KLHL29: variants seen among roughly 807,000 people sequenced by gnomAD.
KLHL29 encodes the protein kelch like family member 29.
A neutral mutation model predicts 80.4 loss-of-function variants in KLHL29; 21 were observed. That is an observed-to-expected ratio of 0.26 (90% CI 0.19 to 0.38). The LOEUF (loss-of-function observed/expected upper bound fraction) is 0.38. Among genes scored for constraint, KLHL29 ranks in the 10% least tolerant of loss-of-function variants. KLHL29 has a pLI of 1.00. For missense variants in KLHL29, 867 were observed against 1,223.9 expected, an observed-to-expected ratio of 0.71 and a Z score of 4.35; for synonymous variants, 511 against 526.8, an observed-to-expected ratio of 0.97 and a Z score of 0.41.
chr2:23,660,184 G>A (rs1558428309), intron 5 of KLHL29, among the ~76,000 whole-genome samples: 1 of 152,190 alleles, frequency 6.6e-6, no homozygotes, highest in Non-Finnish European at 1.5e-5. Context: ...GGGTCTTGGG[G>A]TCATGGCCTG....
At chr2:23,522,965 G>A (rs1025277099) in intron 2 of KLHL29, among the ~76,000 whole-genome samples, 2 of 152,086 alleles carry the variant, frequency 1.3e-5, no homozygotes, top group Admixed American at 6.5e-5. Flanking sequence ...AGCTGACCAC[G>A]AGAGCAGGTG....
At chr2:23,430,002 A>G (rs886449544) in intron 1 of KLHL29, among the ~76,000 whole-genome samples, 2 of 152,238 alleles carry the variant, frequency 1.3e-5, no homozygotes, top group African/African-American at 2.4e-5. Context: ...CTCATTTTAC[A>G]GATGAGAAAA....
intron 3 of KLHL29, among the ~76,000 whole-genome samples, chr2:23,627,078 G>A (rs1312544875): frequency 6.6e-6 from 1 of 152,164 alleles, no homozygotes; most frequent in East Asian, 1.9e-4. Context: ...GGGAAGGGAA[G>A]TATCTATCTG....
chr2:23,694,544 G>T (rs376490245), intron 8 of KLHL29, among the ~76,000 whole-genome samples: 1 of 152,338 alleles, frequency 6.6e-6, no homozygotes, highest in South Asian at 2.1e-4. Flanking sequence ...CGACTCCACA[G>T]GGGAAACTGT....
intron 3 of KLHL29, among the ~76,000 whole-genome samples, chr2:23,621,262 GGA>G (rs1669175586): frequency 6.6e-6 from 1 of 152,180 alleles, no homozygotes. Flanking sequence ...ACCTCCCAGG[GGA>G]GAGACTGGGG....
chr2:23,703,261 G>A lies in KLHL29; in HGVS notation c.2181G>A (p.Val727=). 1 of 1,547,986 alleles carries A rather than the reference G, an allele frequency of 6.5e-7. No individual in the cohort carries two copies. The highest frequency in any genetic ancestry group is 1.2e-5 in the South Asian group (1 of 83,570). Residue 727 remains valine, a synonymous_variant, in exon 12 of 14, where the codon GTG becomes GTA. Transcript: ENST00000486442. Reference sequence around the variant, plus strand: ...CAGTACACTCTGCTGCAGCCACAGTGTGTGGCGGCAAGATCTACGTGTTTG... The same window carrying A: ...CAGTACACTCTGCTGCAGCCACAGTATGTGGCGGCAAGATCTACGTGTTTG... ...PKAVHSAAAT[V]CGGKIYVFGG...
At chr2:23,444,452 G>A (rs1035682135) in intron 1 of KLHL29, among the ~76,000 whole-genome samples, 34 of 152,138 alleles carry the variant, frequency 2.2e-4, no homozygotes, top group African/African-American at 8.0e-4. Flanking sequence ...AGCCTCCCGG[G>A]TGGCTGAGAT....
intron 1 of KLHL29, among the ~76,000 whole-genome samples, chr2:23,472,613 A>G (rs1664525607): frequency 1.3e-5 from 2 of 152,124 alleles, no homozygotes; most frequent in Admixed American, 6.5e-5. Context: ...CAGCCTGGGC[A>G]ACAGAGTGAG....
At chr2:23,414,092 G>A (rs1160804854) in intron 1 of KLHL29, among the ~76,000 whole-genome samples, 1 of 152,360 alleles carries the variant, frequency 6.6e-6, no homozygotes, top group South Asian at 2.1e-4. Flanking sequence ...TTGAAGACAG[G>A]ATAAAGGATT....
chr2:23,453,539 G>A (rs1663949592), intron 1 of KLHL29, among the ~76,000 whole-genome samples: 1 of 152,204 alleles, frequency 6.6e-6, no homozygotes, highest in African/African-American at 2.4e-5. Context: ...AGTGCAGTGG[G>A]GGGACCTTTC....
chr2:23,633,790 T>TGTGTGTGTGTGTGG (rs1669535800), intron 3 of KLHL29, among the ~76,000 whole-genome samples: 1 of 151,996 alleles, frequency 6.6e-6, no homozygotes, highest in African/African-American at 2.4e-5. Context: ...TGTGTGTGTG[T>TGTGTGTGTGTGTGG]GTTTAATTTG....
chr2:23,649,302 T>C (rs1670023795), intron 5 of KLHL29, among the ~76,000 whole-genome samples: 1 of 152,220 alleles, frequency 6.6e-6, no homozygotes, highest in African/African-American at 2.4e-5. Context: ...CGAAACTCCA[T>C]CTGCACAAGG....
Position 23,396,587 on chromosome 2 carries a change from A to T in KLHL29, c.-154+10807A>T, listed in dbSNP as rs184048444. On this transcript the variant is annotated intron_variant, in intron 1 of 13. Transcript: ENST00000486442. ...CTGGTTGGACCAGGAGGCTGCGTGC[A>T]GTGCGCTTGTCAGGCCGATCCTTCT... Among the ~76,000 whole-genome samples, 248 of 152,312 alleles carry T rather than the reference A, an allele frequency of 1.6e-3. 1 individual carries two copies. Among genetic ancestry groups the T allele is most frequent in the Admixed American group, 4.7e-3 (72 of 15,304 alleles).
At chr2:23,650,958 A>G (rs1181197766) in intron 5 of KLHL29, among the ~76,000 whole-genome samples, 1 of 152,168 alleles carries the variant, frequency 6.6e-6, no homozygotes, top group Non-Finnish European at 1.5e-5. Context: ...ATAGGAAACA[A>G]AACTGGAGAA....
intron 1 of KLHL29, among the ~76,000 whole-genome samples, chr2:23,443,680 G>A (rs145743302): frequency 5.2e-4 from 79 of 152,224 alleles, no homozygotes; most frequent in African/African-American, 1.5e-3. Flanking sequence ...TGCACTTTTC[G>A]TAAGAATATT....
At chr2:23,604,280 T>C (rs1330873331) in intron 3 of KLHL29, among the ~76,000 whole-genome samples, 1 of 152,190 alleles carries the variant, frequency 6.6e-6, no homozygotes, top group Non-Finnish European at 1.5e-5. Context: ...TATTTTTAGT[T>C]GAGACGGGGT....
At chr2:23,655,424 A>G (rs1006226468) in intron 5 of KLHL29, among the ~76,000 whole-genome samples, 2 of 152,172 alleles carry the variant, frequency 1.3e-5, no homozygotes, top group Non-Finnish European at 2.9e-5. Context: ...CAGTACATCC[A>G]TTTAGTGTTT....
chr2:23,525,928 C>T lies in KLHL29; in HGVS notation c.-45-36224C>T, dbSNP rs373344020. ...CTGGAGCTGGCACGAAGCTTCCTCC[C>T]GATGCAACCCAGCCACCCTTCTGGC... On this transcript the variant is annotated intron_variant, in intron 2 of 13. Coordinates refer to ENST00000486442, the MANE Select transcript of KLHL29 (RefSeq NM_052920.2). 1.7e-4 allele frequency among the ~76,000 whole-genome samples: 26 copies of T among 152,288 alleles called. No individual in the cohort carries two copies. In the East Asian group the frequency reaches 4.8e-3, roughly 28 times the overall value.
chr2:23,527,632 A>G (rs1666366750), intron 2 of KLHL29, among the ~76,000 whole-genome samples: 1 of 152,194 alleles, frequency 6.6e-6, no homozygotes, highest in Non-Finnish European at 1.5e-5. Context: ...AGCACGGTGA[A>G]AGCAGTAGGA....
Sources: gnomAD v4.1 joint callset for allele counts (sites outside exome capture counted in the v4.1 genomes callset) on GRCh38, gnomAD v4.1.1 for gene constraint, MANE v1.5 for transcripts, NCBI Gene and HGNC (gene_info 2026-07-23, HGNC 2026-07-21) for gene names.